TMEM108: variants seen among roughly 807,000 people sequenced by gnomAD.
The protein encoded by TMEM108 is cancer/testis antigen 124.
In TMEM108, 12 loss-of-function variants were observed where a neutral mutation model predicts 35.1. The ratio of observed to expected loss-of-function variants is 0.34; its 90% CI spans 0.22 to 0.55. The LOEUF (loss-of-function observed/expected upper bound fraction) is 0.55, where lower values mean the gene tolerates loss of function less well. Among genes scored for constraint, TMEM108 ranks in the 20% least tolerant of loss-of-function variants. The pLI, the probability that TMEM108 is intolerant of heterozygous loss-of-function variation, is 0.89. For missense variants in TMEM108, 680 were observed against 753.3 expected (o/e 0.90, Z 1.14); for synonymous variants, 287 against 308.6 (o/e 0.93, Z 0.73).
intron 3 of TMEM108, among the ~76,000 whole-genome samples, chr3:133,314,492 C>G (rs1229626985): frequency 6.6e-6 from 1 of 152,194 alleles, no homozygotes; most frequent in Admixed American, 6.5e-5. Flanking sequence ...TAGGAACATG[C>G]ATGCTTTGGG....
chr3:133,203,827 A>G (rs766047981), intron 2 of TMEM108, among the ~76,000 whole-genome samples: 36 of 152,108 alleles, frequency 2.4e-4, no homozygotes, highest in Non-Finnish European at 4.6e-4. Flanking sequence ...GTTCGGGAGG[A>G]GTCCCTCTTT....
chr3:133,360,426 A>G (rs1462163003), intron 3 of TMEM108, among the ~76,000 whole-genome samples: 1 of 152,228 alleles, frequency 6.6e-6, no homozygotes, highest in Non-Finnish European at 1.5e-5. Flanking sequence ...GGGATATTCA[A>G]TAATTTTAAA....
intron 3 of TMEM108, chr3:133,378,452 C>T (rs1341666516): frequency 1.3e-5 from 13 of 985,304 alleles, no homozygotes; most frequent in African/African-American, 8.7e-5. Context: ...AGTAATTAGA[C>T]GCAGACAGAG....
chr3:133,364,571 C>G (rs2072449098), intron 3 of TMEM108, among the ~76,000 whole-genome samples: 1 of 152,096 alleles, frequency 6.6e-6, no homozygotes, highest in African/African-American at 2.4e-5. Flanking sequence ...GGCTTATATA[C>G]CATCTATTAG....
chr3:133,080,872 AC>A (rs1943800887), intron 2 of TMEM108, among the ~76,000 whole-genome samples: 2 of 152,154 alleles, frequency 1.3e-5, no homozygotes, highest in African/African-American at 4.8e-5. Flanking sequence ...CTAGATAGAC[AC>A]AAGTAGGGTC....
intron 2 of TMEM108, among the ~76,000 whole-genome samples, chr3:133,120,276 G>T (rs1944336420): frequency 6.6e-6 from 1 of 152,188 alleles, no homozygotes; most frequent in African/African-American, 2.4e-5. Flanking sequence ...TCTGCAAGAA[G>T]ATTGTATTGA....
chr3:133,386,341 G>C (rs981118018), intron 4 of TMEM108: 6 of 1,492,578 alleles, frequency 4.0e-6, no homozygotes, highest in Admixed American at 2.0e-5. Flanking sequence ...AAACAGGCCC[G>C]GGAAAGAGCA....
At chr3:133,243,456 A>G (rs1025696135) in intron 3 of TMEM108, among the ~76,000 whole-genome samples, 2 of 149,042 alleles carry the variant, frequency 1.3e-5, no homozygotes, top group Non-Finnish European at 2.9e-5. Context: ...CAAATTTCAT[A>G]AGGAAAAATG....
intron 3 of TMEM108, among the ~76,000 whole-genome samples, chr3:133,351,786 A>G (rs1039914312): frequency 2.0e-5 from 3 of 152,156 alleles, no homozygotes; most frequent in Non-Finnish European, 2.9e-5. Flanking sequence ...ATGTGAACTA[A>G]GTCTGTCTCA....
chr3:133,272,072 T>C lies in TMEM108; in HGVS notation c.40+42721T>C, dbSNP rs186226189. ...GAGGCCTCTTAGAGGAGTTAACAGC[T>C]GAGCTTTGTGCCTCACAGTTTCCTT... On this transcript the variant is annotated intron_variant, in intron 3 of 5. Coordinates refer to ENST00000321871, the MANE Select transcript of TMEM108 (RefSeq NM_023943.4). Among the ~76,000 whole-genome samples, 329 of 152,356 alleles carry C rather than the reference T, an allele frequency of 2.2e-3. 2 individuals are homozygous for C. The highest frequency in any genetic ancestry group is 7.7e-3 in the African/African-American group (320 of 41,582).
intron 2 of TMEM108, among the ~76,000 whole-genome samples, chr3:133,199,627 T>C (rs1218793086): frequency 6.6e-6 from 1 of 152,198 alleles, no homozygotes. Context: ...CAAATGTTGC[T>C]GCCTAATCGT....
intron 3 of TMEM108, among the ~76,000 whole-genome samples, chr3:133,229,580 C>T (rs1303692724): frequency 2.6e-5 from 4 of 152,136 alleles, no homozygotes; most frequent in Non-Finnish European, 5.9e-5. Context: ...GAAGTTTTAA[C>T]ATCAGTTATA....
chr3:133,259,937 G>A (rs113957119), intron 3 of TMEM108, among the ~76,000 whole-genome samples: 1,559 of 152,292 alleles, frequency 0.01, 24 homozygotes, highest in African/African-American at 0.034. Flanking sequence ...AGGTGAAGGC[G>A]TGTGGTAACA....
chr3:133,384,755 C>T (rs1248578481), intron 4 of TMEM108, among the ~76,000 whole-genome samples: 2 of 152,178 alleles, frequency 1.3e-5, no homozygotes, highest in Non-Finnish European at 2.9e-5. Context: ...ATGAGCGTGT[C>T]AGTTTTGTGG....
chr3:133,050,907 C>T (rs1943396912), intron 2 of TMEM108, among the ~76,000 whole-genome samples: 1 of 151,822 alleles, frequency 6.6e-6, no homozygotes, highest in Middle Eastern at 3.2e-3. Flanking sequence ...CATTCACCTA[C>T]TGAAGGACAT....
rs966321812 is a variant in TMEM108, at chr3:133,379,854, G to A, written c.143G>A (p.Gly48Glu). Residue 48 changes from glycine to glutamate, a missense_variant, in exon 4 of 6, where the codon GGA (glycine) becomes GAA (glutamate). By Grantham distance (98) the Gly-to-Glu change is moderately conservative. Transcript: ENST00000321871. Reference sequence around the variant, plus strand: ...GTCCTCCCTTCAGGCACTCCCCCGGGAACCATGGTGACAGCACCCCACAGC... The same window carrying A: ...GTCCTCCCTTCAGGCACTCCCCCGGAAACCATGGTGACAGCACCCCACAGC... ...LQVLPSGTPPGTMVTAPHSST... is the reference protein window; with the variant it reads ...LQVLPSGTPPETMVTAPHSST... 3.1e-6 allele frequency: 5 copies of A among 1,613,788 alleles called. No homozygotes were observed. In the East Asian group the frequency reaches 1.1e-4, roughly 36 times the overall value.
rs34894272 is a variant in TMEM108 at position 133,187,883 on chromosome 3, CAA to C, written c.-46-41366_-46-41365del. On this transcript the variant is annotated intron_variant, in intron 2 of 5. Coordinates refer to ENST00000321871, the MANE Select transcript of TMEM108 (RefSeq NM_023943.4). ...ATGCATATCAGAGTAACGGTTGCTG[CAA>C]AAAAAAAAAAAAAAAAGACAGGAAC... 5.7e-3 allele frequency among the ~76,000 whole-genome samples: 726 copies of C among 127,338 alleles called. 5 individuals carry two copies. The highest frequency in any genetic ancestry group is 0.017 in the African/African-American group (620 of 35,456). 83.5% of individuals were successfully genotyped at this position (127,338 alleles called of 152,430 possible).
At chr3:133,065,302 A>G (rs974022242) in intron 2 of TMEM108, among the ~76,000 whole-genome samples, 3 of 151,894 alleles carry the variant, frequency 2.0e-5, no homozygotes, top group African/African-American at 7.3e-5. Flanking sequence ...ACACACACAC[A>G]CGCACATGCA....
intron 3 of TMEM108, among the ~76,000 whole-genome samples, chr3:133,303,995 T>G (rs1453139771): frequency 2.6e-5 from 4 of 152,228 alleles, no homozygotes; most frequent in Non-Finnish European, 5.9e-5. Flanking sequence ...TCTCACGATT[T>G]GAGATCCAGC....
Sources: allele counts gnomAD v4.1 joint callset (sites outside exome capture counted in the v4.1 genomes callset), GRCh38; gene constraint gnomAD v4.1.1; transcripts MANE v1.5; gene names NCBI Gene and HGNC (gene_info 2026-07-23, HGNC 2026-07-21).